Variants in FANCA observed in about 807,000 individuals in gnomAD.
FANCA encodes the protein Fanconi anemia group A protein.
A neutral mutation model predicts 194.3 loss-of-function variants in FANCA; 236 were observed. That is an observed-to-expected ratio of 1.21 (90% confidence interval 1.09 to 1.35). The LOEUF (loss-of-function observed/expected upper bound fraction) is 1.35, where lower values mean the gene tolerates loss of function less well. Ranked by LOEUF, FANCA falls within the 40% of genes most tolerant of loss-of-function variation. The pLI is 0.00. For missense variants in FANCA, 2,628 were observed against 1,813.9 expected, an observed-to-expected ratio of 1.45 and a Z score of -8.15; for synonymous variants, 1,014 against 715.8, an observed-to-expected ratio of 1.42 and a Z score of -6.65.
chr16:89,794,902 G>C (rs575350789), intron 11 of FANCA, among the ~76,000 whole-genome samples: 1 of 152,216 alleles, frequency 6.6e-6, no homozygotes, highest in Non-Finnish European at 1.5e-5. Flanking sequence ...AGCAAGGCAA[G>C]GGTAGCCAGC....
chr16:89,754,216 C>T (rs867177729), intron 30 of FANCA, among the ~76,000 whole-genome samples: 39 of 145,582 alleles, frequency 2.7e-4, no homozygotes, highest in Admixed American at 2.2e-3. Flanking sequence ...AGCGAGACTC[C>T]GTCTCAGAAA....
chr16:89,803,929 C>A (rs1041946046), intron 7 of FANCA, among the ~76,000 whole-genome samples: 1 of 151,932 alleles, frequency 6.6e-6, no homozygotes, highest in East Asian at 1.9e-4. Context: ...CAATTTTTTT[C>A]TCTTAAATAA....
At chr16:89,802,118 C>G (rs749743749) in intron 8 of FANCA, among the ~76,000 whole-genome samples, 3 of 152,134 alleles carry the variant, frequency 2.0e-5, no homozygotes, top group Non-Finnish European at 2.9e-5. Flanking sequence ...GAATACTGGT[C>G]AGCTTTAACG....
chr16:89,755,204 A>G (rs2038727440), intron 30 of FANCA, among the ~76,000 whole-genome samples: 2 of 151,374 alleles, frequency 1.3e-5, no homozygotes, highest in African/African-American at 2.4e-5. Context: ...GGATGACCTC[A>G]CACAACAATT....
At position 89,738,589 on chromosome 16, in the gene FANCA, T is replaced by C. The variant is rs1264601544; in HGVS notation, c.*12A>G. 6.2e-7 allele frequency: 1 copy of C among 1,612,856 alleles called. No individual in the cohort carries two copies. The highest frequency in any genetic ancestry group is 1.7e-5 in the Admixed American group (1 of 60,002). On this transcript the variant is annotated 3_prime_UTR_variant, in exon 43 of 43. Coordinates refer to ENST00000389301, the MANE Select transcript of FANCA (RefSeq NM_000135.4). ...ACACGGGAGCTGGGCTGGTGTGCAGTGGCAGGTCCCGTCAGAAGAGATGAG... is the reference window on the plus strand; with the variant it reads ...ACACGGGAGCTGGGCTGGTGTGCAGCGGCAGGTCCCGTCAGAAGAGATGAG...
chr16:89,752,873 CGGGAAAGGGA>C (rs1407483821), intron 30 of FANCA, among the ~76,000 whole-genome samples: 4 of 152,066 alleles, frequency 2.6e-5, no homozygotes, highest in Non-Finnish European at 5.9e-5. Context: ...CTTAGCAGAC[CGGGAAAGGGA>C]GTCTCCCTTT....
chr16:89,811,000 A>G lies in FANCA; in HGVS notation c.355T>C (p.Ser119Pro). 1.9e-6 allele frequency: 3 copies of G among 1,614,086 alleles called. No homozygotes were observed. The highest frequency in any genetic ancestry group is 3.3e-5 in the Admixed American group (2 of 60,018). Residue 119 changes from serine to proline, a missense_variant, in exon 4 of 43, where the codon TCT becomes CCT. Coordinates refer to ENST00000389301, the MANE Select transcript of FANCA (RefSeq NM_000135.4). ...VGILSAGMVASSVGQICTAPA... is the reference protein window; with the variant it reads ...VGILSAGMVAPSVGQICTAPA... ...GCCGTGCAGATCTGTCCCACGCTAG[A>G]GGCAACCATCCCGGCTGAGAGAATA...
At chr16:89,783,272 C>G (rs537364161) in intron 15 of FANCA, among the ~76,000 whole-genome samples, 170 bp from the exon 16 acceptor site, 1 of 152,182 alleles carries the variant, frequency 6.6e-6, no homozygotes, top group South Asian at 2.1e-4. Flanking sequence ...AAACACAAGC[C>G]GGGCGCAGCG....
intron 10 of FANCA, chr16:89,798,937 T>C (rs1312182438): frequency 4.8e-5 from 77 of 1,608,710 alleles, no homozygotes; most frequent in Admixed American, 8.3e-5. Context: ...AACAGGATAC[T>C]GCAGTGGGCG....
chr16:89,765,143 A>G (rs2039083109), intron 27 of FANCA, 77 bp from the exon 28 acceptor site: 1 of 1,534,996 alleles, frequency 6.5e-7, no homozygotes, highest in Admixed American at 1.8e-5. Flanking sequence ...GCTCAGGTGG[A>G]AACAGACCAT....
At chr16:89,768,809 T>G (rs2039217673) in intron 26 of FANCA, among the ~76,000 whole-genome samples, 1 of 152,200 alleles carries the variant, frequency 6.6e-6, no homozygotes, top group African/African-American at 2.4e-5. Context: ...GGCATCTCTG[T>G]GTTTCTAAGA....
At position 89,758,648 on chromosome 16, in the gene FANCA, T is replaced by C. The variant is rs1350646837; in HGVS notation, c.2910A>G (p.Ser970=). The C allele has an allele frequency of 6.2e-7, 1 of 1,614,042 alleles. No homozygotes were observed. Among genetic ancestry groups the C allele is most frequent in the Admixed American group, 1.7e-5 (1 of 60,006 alleles). The change falls in exon 30 of 43, where the codon TCA becomes TCG. Residue 970 remains serine, a synonymous_variant. Coordinates refer to ENST00000389301, the MANE Select transcript of FANCA (RefSeq NM_000135.4). ...CCTGCAGGTCTCCGTCACAGCCCCC[T>C]GAAGCCGAGGACTCAGGGAGAAAGT... The part of the protein sequence containing the change: ...HEHFLPESSA[S]GGCDGDLQAA...
chr16:89,792,340 C>A, intron 12 of FANCA, 131 bp downstream of exon 12: 1 of 1,032,150 alleles, frequency 9.7e-7, no homozygotes, highest in Non-Finnish European at 1.5e-6. Context: ...TTGATGAGGA[C>A]AGCCACATCT....
At chr16:89,801,787 C>T (rs765156943) in intron 8 of FANCA, among the ~76,000 whole-genome samples, 1 of 151,910 alleles carries the variant, frequency 6.6e-6, no homozygotes, top group African/African-American at 2.4e-5. Context: ...ATTCGGGAGG[C>T]TGAGGCAGGA....
intron 1 of FANCA, 56 bp downstream of exon 1, chr16:89,816,481 C>T: frequency 7.1e-7 from 1 of 1,416,754 alleles, no homozygotes; most frequent in Non-Finnish European, 9.3e-7. Flanking sequence ...GGGGAACCGG[C>T]GAAACCGTCC....
chr16:89,806,666 G>T (rs901643516), intron 6 of FANCA, among the ~76,000 whole-genome samples: 1 of 152,102 alleles, frequency 6.6e-6, no homozygotes, highest in Non-Finnish European at 1.5e-5. Flanking sequence ...AGGGTTGGGG[G>T]CAAGGTCACA....
chr16:89,738,700 A>G lies in FANCA; in HGVS notation c.4269T>C (p.Ala1423=), dbSNP rs764113707. Residue 1423 remains alanine (A), a synonymous_variant, in exon 43 of 43, where the codon GCT becomes GCC. Coordinates refer to ENST00000389301, the MANE Select transcript of FANCA (RefSeq NM_000135.4). The stretch of plus-strand genomic sequence containing the variant: ...CCTCTGGGTCGCAGTCCCCACGATC[A>G]GCCAGCAGCTGTGAGAGAGGAGCAG... The part of the protein sequence containing the change: ...KSFSHVAELL[A]DRGDCDPEVS... 1 of 1,613,912 alleles carries G rather than the reference A, an allele frequency of 6.2e-7. No homozygotes were observed. The highest frequency in any genetic ancestry group is 1.7e-5 in the Admixed American group (1 of 60,014).
intron 11 of FANCA, chr16:89,792,869 C>T (rs959930220): frequency 1.6e-5 from 6 of 369,882 alleles, no homozygotes; most frequent in African/African-American, 1.1e-4. Context: ...GGATAGGGGG[C>T]CCTTCCCTGC....
intron 29 of FANCA, among the ~76,000 whole-genome samples, chr16:89,761,243 C>A (rs991427800): frequency 2.0e-5 from 3 of 152,010 alleles, no homozygotes; most frequent in Non-Finnish European, 4.4e-5. Context: ...CACGGTGAAA[C>A]CCCGTCTCTA....
Sources: allele counts gnomAD v4.1 joint callset (sites outside exome capture counted in the v4.1 genomes callset), GRCh38; gene constraint gnomAD v4.1.1; transcripts MANE v1.5; gene names NCBI Gene and HGNC (gene_info 2026-07-23, HGNC 2026-07-21).